The following UTRN variants were observed in gnomAD, a reference collection of about 807,000 sequenced individuals.
The protein encoded by UTRN is utrophin, also known as dystrophin-related protein 1.
UTRN carries 283 observed loss-of-function variants against 463.9 expected under a neutral mutation model. The observed-to-expected ratio is 0.61, with a 90% CI of 0.55 to 0.67. The LOEUF is 0.67. UTRN is among the 30% of genes least tolerant of loss of function. The pLI is 0.00. For synonymous variants in UTRN, 1,442 were observed against 1,431.5 expected, an observed-to-expected ratio of 1.01 and a Z score of -0.17; for missense variants, 3,922 against 4,084.3, an observed-to-expected ratio of 0.96 and a Z score of 1.08.
At chr6:144,716,247 T>C (rs1786436140) in intron 53 of UTRN, among the ~76,000 whole-genome samples, 1 of 152,088 alleles carries the variant, frequency 6.6e-6, no homozygotes, top group Non-Finnish European at 1.5e-5. Flanking sequence ...CTTTTTTTTT[T>C]TTTTAGCTGT....
intron 34 of UTRN, among the ~76,000 whole-genome samples, chr6:144,504,989 AG>A (rs1368676231): frequency 2.0e-5 from 3 of 152,138 alleles, no homozygotes; most frequent in Non-Finnish European, 4.4e-5. Flanking sequence ...TAGTCTTATG[AG>A]GGTGTATGTG....
chr6:144,528,123 G>A (rs762700316), intron 41 of UTRN, among the ~76,000 whole-genome samples: 2 of 140,148 alleles, frequency 1.4e-5, no homozygotes, highest in African/African-American at 2.7e-5. Context: ...TGCAACCTCC[G>A]CCTCCCAGGT....
chr6:144,456,568 G>A (rs1042650264), intron 19 of UTRN, among the ~76,000 whole-genome samples: 2 of 151,250 alleles, frequency 1.3e-5, no homozygotes, highest in South Asian at 2.1e-4. Context: ...CAGGAGAATC[G>A]CTTGAACCAG....
chr6:144,436,866 T>A (rs1786603794), intron 10 of UTRN, among the ~76,000 whole-genome samples: 2 of 143,174 alleles, frequency 1.4e-5, no homozygotes, highest in Non-Finnish European at 3.1e-5. Context: ...TAAATAAATA[T>A]ATATAAATAA....
rs1350220001 is a variant in UTRN, at chr6:144,448,708, C to T, written c.2011C>T (p.Leu671=). The T allele has an allele frequency of 6.2e-7, 1 of 1,614,024 alleles. No individual in the cohort carries two copies. Among genetic ancestry groups the T allele is most frequent in the Middle Eastern group, 1.7e-4 (1 of 6,060 alleles). ...QAITKKSKQE[L]PPPPPPKKRQ... The stretch of plus-strand genomic sequence containing the variant: ...AATTACAAAAAAATCTAAGCAGGAA[C>T]TGCCTCCTCCTCCTCCCCCAAAGAA... Residue 671 remains leucine (L), a synonymous_variant, in exon 17 of 75, where the codon CTG becomes TTG. Coordinates refer to ENST00000367545, the MANE Select transcript of UTRN (RefSeq NM_007124.3).
intron 2 of UTRN, among the ~76,000 whole-genome samples, chr6:144,311,185 A>C (rs555532289): frequency 1.4e-4 from 21 of 152,358 alleles, no homozygotes; most frequent in South Asian, 1.2e-3. Context: ...GGGGCTCTGG[A>C]AAGTAACGAT....
At chr6:144,556,544 C>T (rs1319206292) in intron 49 of UTRN, among the ~76,000 whole-genome samples, 1 of 152,190 alleles carries the variant, frequency 6.6e-6, no homozygotes, top group Non-Finnish European at 1.5e-5. Flanking sequence ...TTAAAGGTTT[C>T]AGTTGTCATT....
chr6:144,686,952 T>A (rs900991174), intron 52 of UTRN, among the ~76,000 whole-genome samples: 2 of 152,146 alleles, frequency 1.3e-5, no homozygotes, highest in Non-Finnish European at 2.9e-5. Context: ...TTTGTTTTCT[T>A]TATTGTGTTA....
chr6:144,354,178 A>G (rs1323531270), intron 2 of UTRN, among the ~76,000 whole-genome samples: 1 of 152,172 alleles, frequency 6.6e-6, no homozygotes, highest in Admixed American at 6.5e-5. Flanking sequence ...TAAATGAGAA[A>G]GGCAGTGGGT....
At chr6:144,661,525 G>A (rs895693394) in intron 51 of UTRN, among the ~76,000 whole-genome samples, 15 of 152,096 alleles carry the variant, frequency 9.9e-5, no homozygotes, top group African/African-American at 3.4e-4. Context: ...AGTAAAAGAC[G>A]GTTCTCCCTC....
chr6:144,718,056 A>C (rs1429880593), intron 53 of UTRN, among the ~76,000 whole-genome samples: 4 of 152,208 alleles, frequency 2.6e-5, no homozygotes, highest in African/African-American at 9.7e-5. Context: ...TGGTCAACCA[A>C]AGCTCTAGGT....
intron 61 of UTRN, among the ~76,000 whole-genome samples, chr6:144,783,775 C>T (rs1340992929): frequency 2.0e-5 from 3 of 152,078 alleles, no homozygotes; most frequent in Non-Finnish European, 4.4e-5. Flanking sequence ...TTTTAGTGTT[C>T]ATAAATATCA....
chr6:144,504,297 G>A (rs1794503279), intron 34 of UTRN, among the ~76,000 whole-genome samples: 2 of 152,286 alleles, frequency 1.3e-5, no homozygotes, highest in South Asian at 2.1e-4. Flanking sequence ...TGGTGAGAGA[G>A]GGCATCCTTG....
At chr6:144,311,564 C>T (rs923181337) in intron 2 of UTRN, 32 of 152,222 alleles carry the variant, frequency 2.1e-4, no homozygotes, top group African/African-American at 7.5e-4. Flanking sequence ...AAGCTGTCTG[C>T]ACAATTAATT....
At chr6:144,783,147 G>A (rs2128739333) in intron 61 of UTRN, among the ~76,000 whole-genome samples, 1 of 151,474 alleles carries the variant, frequency 6.6e-6, no homozygotes, top group South Asian at 2.1e-4. Flanking sequence ...AGTGAGCTGA[G>A]ATCGTGCCAC....
At chr6:144,446,831 C>T (rs762283664) in intron 14 of UTRN, among the ~76,000 whole-genome samples, 1 of 152,170 alleles carries the variant, frequency 6.6e-6, no homozygotes, top group Non-Finnish European at 1.5e-5. Flanking sequence ...TCTTTCCTTC[C>T]TTTCTAAAAT....
chr6:144,732,214 TTATATATA>T (rs1174420940), intron 54 of UTRN, among the ~76,000 whole-genome samples: 84 of 92,264 alleles, frequency 9.1e-4, no homozygotes, highest in African/African-American at 3.5e-3. Context: ...GTACTCTGTT[TTATATATA>T]TATATATATA....
chr6:144,815,112 T>C (rs1778963938), intron 65 of UTRN, among the ~76,000 whole-genome samples: 1 of 152,164 alleles, frequency 6.6e-6, no homozygotes, highest in Non-Finnish European at 1.5e-5. Flanking sequence ...CCTTCAATAA[T>C]GAGAATTGCA....
In UTRN at chr6:144,285,363, G is replaced by T. The variant is rs1803580259; in HGVS notation, c.-551G>T. On this transcript the variant is annotated 5_prime_UTR_variant, in exon 1 of 75. Transcript: ENST00000367545. ...TTTCCTCGGAGCAGGGAAGCGGGCA[G>T]CAGCAGCCGGCCGCGGGCTTTCTCC... is the stretch of plus-strand genomic sequence containing the variant. 6.6e-6 allele frequency among the ~76,000 whole-genome samples: 1 copy of T among 152,212 alleles called. No homozygotes were observed. Among genetic ancestry groups the T allele is most frequent in the South Asian group, 2.1e-4 (1 of 4,834 alleles).
Sources: gnomAD v4.1 joint callset for allele counts (sites outside exome capture counted in the v4.1 genomes callset) on GRCh38, gnomAD v4.1.1 for gene constraint, MANE v1.5 for transcripts, NCBI Gene and HGNC (gene_info 2026-07-23, HGNC 2026-07-21) for gene names.